Variants in GALNT10 observed in about 807,000 individuals in gnomAD.
GALNT10 encodes polypeptide N-acetylgalactosaminyltransferase 10.
A neutral mutation model predicts 75.0 loss-of-function variants in GALNT10; 41 were observed. That is an observed-to-expected ratio of 0.55 (90% CI 0.43 to 0.71). The LOEUF (loss-of-function observed/expected upper bound fraction) is 0.71. Among genes scored for constraint, GALNT10 ranks in the 30% least tolerant of loss-of-function variants. The pLI is 0.00. For missense variants in GALNT10, 727 were observed against 818.5 expected (o/e 0.89, Z 1.36); for synonymous variants, 302 against 313.0 (o/e 0.96, Z 0.37).
intron 1 of GALNT10, among the ~76,000 whole-genome samples, chr5:154,195,403 T>A (rs1261222616): frequency 6.6e-6 from 1 of 151,992 alleles, no homozygotes; most frequent in Non-Finnish European, 1.5e-5. Context: ...CGCAGTGGAG[T>A]GGGGAAAGGA....
At chr5:154,338,702 T>A (rs1284128656) in intron 4 of GALNT10, among the ~76,000 whole-genome samples, 1 of 152,238 alleles carries the variant, frequency 6.6e-6, no homozygotes, top group Non-Finnish European at 1.5e-5. Context: ...TTTCTTTCAC[T>A]TAACTTTTTA....
intron 4 of GALNT10, chr5:154,349,616 C>G (rs1420988460): frequency 6.6e-6 from 1 of 152,080 alleles, no homozygotes; most frequent in Non-Finnish European, 1.5e-5. Context: ...AGGGAACCAG[C>G]CTGATTGGAA....
chr5:154,206,389 G>A (rs1775110312), intron 1 of GALNT10, among the ~76,000 whole-genome samples: 1 of 152,278 alleles, frequency 6.6e-6, no homozygotes, highest in Middle Eastern at 3.4e-3. Flanking sequence ...TGATTTGGGG[G>A]ATTACTATGT....
chr5:154,345,992 T>C (rs1004723443), intron 4 of GALNT10, among the ~76,000 whole-genome samples: 5 of 143,904 alleles, frequency 3.5e-5, no homozygotes, highest in African/African-American at 1.3e-4. Context: ...AGAGCCAGGG[T>C]TTCACCATGT....
At position 154,348,790 on chromosome 5, in the gene GALNT10, A is replaced by C. The variant is rs546889645; in HGVS notation, c.568+19052A>C. On this transcript the variant is annotated intron_variant, in intron 4 of 11. Transcript: ENST00000297107. ...ATGACTTTCTTCACCTCTTCCCTAG[A>C]GTTTAAGAGTTATAAATTGATAACT... 3.3e-5 allele frequency among the ~76,000 whole-genome samples: 5 copies of C among 152,316 alleles called. No individual in the cohort carries two copies. In the South Asian group the frequency reaches 1.0e-3, roughly 32 times the overall value.
intron 8 of GALNT10, 24 bp downstream of exon 8, chr5:154,404,235 G>A (rs750330625): frequency 1.2e-5 from 18 of 1,453,328 alleles, no homozygotes; most frequent in East Asian, 9.1e-5. Context: ...TTTCCTTGGC[G>A]GGTAGAAGGG....
At chr5:154,320,169 G>A (rs1754652093) in intron 3 of GALNT10, among the ~76,000 whole-genome samples, 1 of 152,204 alleles carries the variant, frequency 6.6e-6, no homozygotes, top group Non-Finnish European at 1.5e-5. Context: ...TGGATGGATA[G>A]AGGAGGGAGA....
At chr5:154,265,389 C>G (rs1343725643) in intron 1 of GALNT10, among the ~76,000 whole-genome samples, 1 of 152,126 alleles carries the variant, frequency 6.6e-6, no homozygotes, top group Admixed American at 6.5e-5. Flanking sequence ...CAAGAGAAGC[C>G]CACTGATTTC....
At chr5:154,315,367 C>T (rs149627869) in intron 3 of GALNT10, among the ~76,000 whole-genome samples, 26 of 152,314 alleles carry the variant, frequency 1.7e-4, no homozygotes, top group East Asian at 1.5e-3. Context: ...GGTGGAGCCA[C>T]GGCACAGACA....
intron 1 of GALNT10, among the ~76,000 whole-genome samples, chr5:154,233,424 C>T (rs1259987602): frequency 6.6e-6 from 1 of 152,182 alleles, no homozygotes; most frequent in Non-Finnish European, 1.5e-5. Context: ...GTGTGGGAAA[C>T]TCAGCAAAAA....
intron 5 of GALNT10, among the ~76,000 whole-genome samples, chr5:154,377,017 C>T (rs1250855345): frequency 3.9e-5 from 6 of 152,236 alleles, no homozygotes; most frequent in Admixed American, 2.0e-4. Context: ...TGTCGGGCTC[C>T]AAAGTCTATT....
chr5:154,219,832 T>TCACA (rs775014222), intron 1 of GALNT10, among the ~76,000 whole-genome samples: 1 of 80,120 alleles, frequency 1.2e-5, no homozygotes, highest in Non-Finnish European at 3.2e-5. Flanking sequence ...TCTCTCTCTC[T>TCACA]CTCTCTCACA....
chr5:154,311,444 G>A (rs1331152014), intron 3 of GALNT10, among the ~76,000 whole-genome samples: 1 of 152,106 alleles, frequency 6.6e-6, no homozygotes, highest in Non-Finnish European at 1.5e-5. Flanking sequence ...TTTTACAGAT[G>A]CACAAACTAA....
chr5:154,391,776 G>A (rs1239360059), intron 7 of GALNT10, among the ~76,000 whole-genome samples: 1 of 152,222 alleles, frequency 6.6e-6, no homozygotes, highest in African/African-American at 2.4e-5. Context: ...ACTCGGGCTA[G>A]GTCTCTCTCA....
intron 1 of GALNT10, among the ~76,000 whole-genome samples, chr5:154,214,892 A>G (rs1752842368): frequency 6.6e-6 from 1 of 152,216 alleles, no homozygotes; most frequent in Non-Finnish European, 1.5e-5. Context: ...ACTTAAACTC[A>G]GAGCCCCTGC....
At position 154,299,170 on chromosome 5, in the gene GALNT10, C is replaced by G. The variant is rs898725885; in HGVS notation, c.401+1091C>G. On this transcript the variant is annotated intron_variant, in intron 3 of 11. Coordinates refer to ENST00000297107, the MANE Select transcript of GALNT10 (RefSeq NM_198321.4). ...TCTCAAAGTGTGGTTCCCAGACCAG[C>G]AATATCAGCATCACCTAGGAATTTG... is the stretch of plus-strand genomic sequence containing the variant. Among the ~76,000 whole-genome samples, 3 of 152,210 alleles carry G rather than the reference C, an allele frequency of 2.0e-5. No individual in the cohort carries two copies. In the South Asian group the frequency reaches 6.2e-4, roughly 32 times the overall value.
chr5:154,332,861 G>C (rs1434914416), intron 4 of GALNT10, among the ~76,000 whole-genome samples: 2 of 152,190 alleles, frequency 1.3e-5, no homozygotes, highest in African/African-American at 4.8e-5. Context: ...CCCTGGGGTT[G>C]GGCTTGTAGC....
At chr5:154,229,836 C>A (rs1009065305) in intron 1 of GALNT10, among the ~76,000 whole-genome samples, 7 of 152,140 alleles carry the variant, frequency 4.6e-5, no homozygotes, top group African/African-American at 1.4e-4. Flanking sequence ...ATATAAAGAG[C>A]ATTTGATAAA....
intron 1 of GALNT10, among the ~76,000 whole-genome samples, chr5:154,263,749 A>C (rs756068202): frequency 5.9e-5 from 9 of 152,108 alleles, no homozygotes; most frequent in Admixed American, 5.2e-4. Flanking sequence ...TTCTAAGGGC[A>C]CTAATCCAAG....
Sources: allele counts gnomAD v4.1 joint callset (sites outside exome capture counted in the v4.1 genomes callset), GRCh38; gene constraint gnomAD v4.1.1; transcripts MANE v1.5; gene names NCBI Gene and HGNC (gene_info 2026-07-23, HGNC 2026-07-21).